METTL15: variants seen among roughly 807,000 people sequenced by gnomAD.
The protein encoded by METTL15 is 12S rRNA N(4)-cytidine methyltransferase METTL15.
Under a neutral mutation model 38.3 loss-of-function variants are expected in METTL15, and 34 were observed. That is an observed-to-expected ratio of 0.89 (90% CI 0.68 to 1.18). The LOEUF is 1.18. Among genes scored for constraint, METTL15 ranks in the 50% most tolerant of loss-of-function variants. METTL15 has a pLI of 0.00. For synonymous variants in METTL15, 162 were observed against 170.9 expected, an observed-to-expected ratio of 0.95 and a Z score of 0.41; for missense variants, 438 against 498.4, an observed-to-expected ratio of 0.88 and a Z score of 1.15.
chr11:28,487,196 A>G (rs181767526), intron 6 of METTL15, among the ~76,000 whole-genome samples: 52 of 152,272 alleles, frequency 3.4e-4, no homozygotes, highest in African/African-American at 1.3e-3. Flanking sequence ...AAGCACATCC[A>G]CTTTTAGAAA....
intron 6 of METTL15, among the ~76,000 whole-genome samples, chr11:28,471,890 A>G (rs971000333): frequency 2.0e-5 from 3 of 152,176 alleles, no homozygotes; most frequent in Admixed American, 6.6e-5. Flanking sequence ...TGTGGGGGGA[A>G]AAACTCTCTC....
intron 6 of METTL15, among the ~76,000 whole-genome samples, chr11:28,498,976 C>T (rs1851558861): frequency 6.6e-6 from 1 of 152,168 alleles, no homozygotes; most frequent in African/African-American, 2.4e-5. Context: ...AGCTTGACTG[C>T]TTGGTTTTAT....
chr11:28,379,185 A>G (rs959594498), intron 5 of METTL15, among the ~76,000 whole-genome samples: 14 of 130,346 alleles, frequency 1.1e-4, no homozygotes, highest in Admixed American at 5.0e-4. Flanking sequence ...GATCTTCTGT[A>G]TTGTTAATTT....
intron 3 of METTL15, among the ~76,000 whole-genome samples, chr11:28,114,955 T>G (rs1851877936): frequency 6.6e-6 from 1 of 152,196 alleles, no homozygotes; most frequent in African/African-American, 2.4e-5. Context: ...CAGTAGAGCT[T>G]CTTGAGAATT....
intron 4 of METTL15, among the ~76,000 whole-genome samples, chr11:28,224,127 C>T (rs529246563): frequency 1.3e-5 from 2 of 151,992 alleles, no homozygotes; most frequent in South Asian, 2.1e-4. Flanking sequence ...CATAATTTTA[C>T]CACTTTAGGT....
intron 4 of METTL15, among the ~76,000 whole-genome samples, chr11:28,236,744 T>A (rs1016457313): frequency 6.6e-6 from 1 of 152,202 alleles, no homozygotes; most frequent in Non-Finnish European, 1.5e-5. Context: ...TGGTACCAGT[T>A]GTGCCTTTCC....
intron 3 of METTL15, among the ~76,000 whole-genome samples, chr11:28,199,888 G>GC (rs1852045886): frequency 6.6e-6 from 1 of 151,768 alleles, no homozygotes; most frequent in Non-Finnish European, 1.5e-5. Flanking sequence ...GATTACAGGC[G>GC]CCCGCCACCA....
At chr11:28,322,440 A>T (rs1849502613) in intron 6 of METTL15, among the ~76,000 whole-genome samples, 1 of 152,144 alleles carries the variant, frequency 6.6e-6, no homozygotes, top group East Asian at 1.9e-4. Context: ...TGCCAAAGAA[A>T]TGAAAATTAA....
chr11:28,363,773 A>C (rs1850161808), intron 5 of METTL15, among the ~76,000 whole-genome samples: 1 of 152,212 alleles, frequency 6.6e-6, no homozygotes, highest in African/African-American at 2.4e-5. Context: ...AATGTCAAGA[A>C]GTATATTTCC....
intron 4 of METTL15, among the ~76,000 whole-genome samples, chr11:28,216,760 G>A (rs1852897930): frequency 7.8e-6 from 1 of 128,722 alleles, no homozygotes; most frequent in East Asian, 2.3e-4. Context: ...CCCTTCCTGT[G>A]TCCAAGTGTT....
chr11:28,264,669 TTTCCTTACTATA>T (rs1415721565), intron 4 of METTL15, among the ~76,000 whole-genome samples: 1 of 152,114 alleles, frequency 6.6e-6, no homozygotes, highest in Middle Eastern at 3.2e-3. Context: ...TAGAATGCAA[TTTCCTTACTATA>T]TTCCTTTTTG....
At chr11:28,357,792 C>T (rs1850102696) in intron 4 of METTL15, among the ~76,000 whole-genome samples, 1 of 152,080 alleles carries the variant, frequency 6.6e-6, no homozygotes, top group South Asian at 2.1e-4. Flanking sequence ...ATCTTCATTT[C>T]TTTCGGGATT....
At chr11:28,158,887 G>A (rs913698253) in intron 3 of METTL15, among the ~76,000 whole-genome samples, 1 of 152,166 alleles carries the variant, frequency 6.6e-6, no homozygotes, top group Non-Finnish European at 1.5e-5. Context: ...CAGGGCTGGG[G>A]CAAAGTTCTC....
rs150397097 is a variant in METTL15, at chr11:28,366,878, T to C, written c.*358+4842T>C. On this transcript the variant is annotated intron_variant and NMD_transcript_variant, in intron 5 of 7. Transcript: ENST00000532947. ...AACAATATATAGTCCAAAAGGTCTTTATGAGAACTCCACAAATCAGTTAAG... is the reference window on the plus strand; with the variant it reads ...AACAATATATAGTCCAAAAGGTCTTCATGAGAACTCCACAAATCAGTTAAG... Among the ~76,000 whole-genome samples the C allele has an allele frequency of 3.4e-3, 522 of 152,276 alleles. 2 individuals carry two copies. The highest frequency in any genetic ancestry group is 0.012 in the African/African-American group (512 of 41,562).
intron 4 of METTL15, among the ~76,000 whole-genome samples, chr11:28,246,023 GAATAA>G (rs1426818361): frequency 6.6e-6 from 1 of 151,960 alleles, no homozygotes; most frequent in Non-Finnish European, 1.5e-5. Context: ...GATTATTTGA[GAATAA>G]AATAAAAATA....
intron 3 of METTL15, among the ~76,000 whole-genome samples, chr11:28,348,654 G>A (rs1228606881): frequency 6.6e-6 from 1 of 151,792 alleles, no homozygotes; most frequent in African/African-American, 2.4e-5. Flanking sequence ...ACAGGCATGA[G>A]CCACCACTGA....
At chr11:28,216,566 CT>C (rs199864486) in intron 4 of METTL15, among the ~76,000 whole-genome samples, 19 of 151,574 alleles carry the variant, frequency 1.3e-4, no homozygotes, top group African/African-American at 4.6e-4. Flanking sequence ...TGAGAAACTT[CT>C]TTTTTTTATT....
At chr11:28,147,431 A>G (rs1183891758) in intron 3 of METTL15, among the ~76,000 whole-genome samples, 2 of 151,836 alleles carry the variant, frequency 1.3e-5, no homozygotes, top group East Asian at 3.9e-4. Flanking sequence ...GAAGTTATTG[A>G]TTGAAATTGA....
At chr11:28,379,930 C>G (rs1167830871) in intron 5 of METTL15, among the ~76,000 whole-genome samples, 1 of 152,008 alleles carries the variant, frequency 6.6e-6, no homozygotes, top group Admixed American at 6.6e-5. Context: ...GTCATATTCT[C>G]TTGCAGAATT....
Sources: allele counts gnomAD v4.1 joint callset (sites outside exome capture counted in the v4.1 genomes callset), GRCh38; gene constraint gnomAD v4.1.1; transcripts MANE v1.5; gene names NCBI Gene and HGNC (gene_info 2026-07-23, HGNC 2026-07-21).